Variants in PHACTR1 observed in about 807,000 individuals in gnomAD.
PHACTR1 encodes RPEL repeat containing 1.
In PHACTR1, 16 loss-of-function variants were observed where a neutral mutation model predicts 69.2. That is an observed-to-expected ratio of 0.23 (90% CI 0.16 to 0.35). PHACTR1 has a LOEUF of 0.35. Ranked by LOEUF, PHACTR1 falls within the 10% of genes least tolerant of loss-of-function variation. The pLI, the probability that PHACTR1 is intolerant of heterozygous loss-of-function variation, is 1.00. For synonymous variants in PHACTR1, 312 were observed against 284.5 expected (o/e 1.10, Z -0.97); for missense variants, 510 against 734.7 (o/e 0.69, Z 3.54).
chr6:12,969,833 C>T (rs1401279818), intron 4 of PHACTR1, among the ~76,000 whole-genome samples: 2 of 151,996 alleles, frequency 1.3e-5, no homozygotes, highest in South Asian at 2.1e-4. Context: ...CATGGTGGCA[C>T]GCGCCTATAA....
chr6:13,167,419 G>A (rs1271318085), intron 6 of PHACTR1, among the ~76,000 whole-genome samples: 3 of 152,138 alleles, frequency 2.0e-5, no homozygotes, highest in Admixed American at 2.0e-4. Flanking sequence ...AGGATGGGGA[G>A]GGAAAAGAAG....
chr6:13,044,985 A>G (rs775024982), intron 4 of PHACTR1, among the ~76,000 whole-genome samples: 1 of 152,186 alleles, frequency 6.6e-6, no homozygotes, highest in Non-Finnish European at 1.5e-5. Context: ...CCCTTGCTAC[A>G]GTAGGATCAA....
intron 7 of PHACTR1, among the ~76,000 whole-genome samples, chr6:13,192,142 C>T (rs752756464): frequency 2.6e-5 from 4 of 152,174 alleles, no homozygotes; most frequent in East Asian, 1.9e-4. Flanking sequence ...AGGCCATCAG[C>T]GGGAGGAGCT....
At chr6:13,276,147 G>A (rs1778854440) in intron 11 of PHACTR1, 2 of 150,950 alleles carry the variant, frequency 1.3e-5, no homozygotes, top group African/African-American at 2.4e-5. Context: ...ACCTCTCCGG[G>A]AGGGAGATAG....
At chr6:12,722,233 A>C (rs923530455) in intron 3 of PHACTR1, among the ~76,000 whole-genome samples, 4 of 152,216 alleles carry the variant, frequency 2.6e-5, no homozygotes, top group African/African-American at 9.6e-5. Flanking sequence ...TCTCACTGTC[A>C]TGCAGATATT....
intron 4 of PHACTR1, among the ~76,000 whole-genome samples, chr6:12,995,332 G>A (rs913012176): frequency 6.7e-6 from 1 of 150,304 alleles, no homozygotes; most frequent in Admixed American, 6.6e-5. Context: ...GAGATCAAGA[G>A]GTGCAAAGAC....
intron 5 of PHACTR1, among the ~76,000 whole-genome samples, chr6:13,095,749 C>CTTTTTTTTTT (rs140109520): frequency 1.8e-4 from 14 of 77,248 alleles, no homozygotes; most frequent in Non-Finnish European, 2.7e-4. Context: ...TTGTGAAGGG[C>CTTTTTTTTTT]TTTTTTTTTT....
At chr6:12,965,015 C>T (rs985078197) in intron 4 of PHACTR1, among the ~76,000 whole-genome samples, 3 of 152,058 alleles carry the variant, frequency 2.0e-5, no homozygotes, top group African/African-American at 7.2e-5. Context: ...AAATAGTGTC[C>T]GTAGTATTTG....
At chr6:13,196,593 G>C (rs1004315450) in intron 7 of PHACTR1, 1 of 154,270 alleles carries the variant, frequency 6.5e-6, no homozygotes, top group African/African-American at 2.4e-5. Flanking sequence ...GCTAATTTTT[G>C]TACTTTTTTT....
At chr6:12,845,443 C>A (rs908808857) in intron 4 of PHACTR1, among the ~76,000 whole-genome samples, 2 of 110,156 alleles carry the variant, frequency 1.8e-5, no homozygotes, top group African/African-American at 3.4e-5. Flanking sequence ...CCCCCCCCCC[C>A]GCCCTCCGTG....
At chr6:12,863,762 T>A (rs539275836) in intron 4 of PHACTR1, among the ~76,000 whole-genome samples, 40 of 152,342 alleles carry the variant, frequency 2.6e-4, no homozygotes, top group Admixed American at 4.6e-4. Context: ...TAAAATGTAT[T>A]TGTTATGTTG....
At chr6:13,095,999 TAG>T (rs1156570025) in intron 5 of PHACTR1, among the ~76,000 whole-genome samples, 1 of 152,150 alleles carries the variant, frequency 6.6e-6, no homozygotes, top group African/African-American at 2.4e-5. Context: ...TTCCAGTAGT[TAG>T]AGTCTGAAAT....
At chr6:12,972,839 C>T (rs1016751053) in intron 4 of PHACTR1, among the ~76,000 whole-genome samples, 11 of 152,032 alleles carry the variant, frequency 7.2e-5, no homozygotes, top group Non-Finnish European at 1.5e-4. Flanking sequence ...TCAGTAGAGA[C>T]GGGGTTTCAC....
chr6:13,001,189 T>G (rs1280094503), intron 4 of PHACTR1, among the ~76,000 whole-genome samples: 1 of 152,242 alleles, frequency 6.6e-6, no homozygotes, highest in African/African-American at 2.4e-5. Context: ...TTACAAATGA[T>G]GTTGATGGAT....
intron 4 of PHACTR1, among the ~76,000 whole-genome samples, chr6:12,762,544 G>T (rs1348295757): frequency 3.9e-5 from 6 of 152,254 alleles, no homozygotes; most frequent in African/African-American, 1.2e-4. Context: ...AATGCCTGAG[G>T]TAGTTTTCTT....
At chr6:13,136,896 A>G (rs1012763313) in intron 5 of PHACTR1, among the ~76,000 whole-genome samples, 1 of 152,250 alleles carries the variant, frequency 6.6e-6, no homozygotes. Flanking sequence ...CGATTACAAT[A>G]GTAACATCAA....
chr6:12,926,635 A>T (rs1413095016), intron 4 of PHACTR1, among the ~76,000 whole-genome samples: 1 of 152,226 alleles, frequency 6.6e-6, no homozygotes, highest in Non-Finnish European at 1.5e-5. Flanking sequence ...CAAGTCCTGA[A>T]GATTCCGCCT....
At chr6:12,923,046 C>T (rs1287134794) in intron 4 of PHACTR1, among the ~76,000 whole-genome samples, 2 of 152,130 alleles carry the variant, frequency 1.3e-5, no homozygotes, top group Admixed American at 1.3e-4. Context: ...TGCAAAAATC[C>T]CCCATGCAAT....
chr6:12,925,345 A>G (rs1477325057), intron 4 of PHACTR1, among the ~76,000 whole-genome samples: 3 of 152,228 alleles, frequency 2.0e-5, no homozygotes, highest in Non-Finnish European at 4.4e-5. Context: ...CATCTAGGTC[A>G]GCAAGTCTTA....
Sources: allele counts gnomAD v4.1 joint callset (sites outside exome capture counted in the v4.1 genomes callset), GRCh38; gene constraint gnomAD v4.1.1; transcripts MANE v1.5; gene names NCBI Gene and HGNC (gene_info 2026-07-23, HGNC 2026-07-21).